The following DNAAF9 variants were observed in gnomAD, a reference collection of about 807,000 sequenced individuals.
DNAAF9 encodes the protein shulin.
In DNAAF9, 90 loss-of-function variants were observed where a neutral mutation model predicts 167.0. That is an observed-to-expected ratio of 0.54 (90% CI 0.45 to 0.64). The LOEUF is 0.64. DNAAF9 is among the 30% of genes least tolerant of loss of function. The pLI is 0.00. For missense variants in DNAAF9, 1,315 were observed against 1,442.2 expected, an observed-to-expected ratio of 0.91 and a Z score of 1.43; for synonymous variants, 491 against 508.8, an observed-to-expected ratio of 0.96 and a Z score of 0.47.
chr20:3,332,326 A>T lies in DNAAF9; in HGVS notation c.1017T>A (p.Ala339=), dbSNP rs539515473. The T allele has an allele frequency of 1.2e-5, 19 of 1,609,618 alleles. No individual in the cohort carries two copies. In the South Asian group the frequency reaches 2.0e-4, roughly 17 times the overall value. The change falls in exon 11 of 37, where the codon GCT becomes GCA. Residue 339 remains alanine, a synonymous_variant. Transcript: ENST00000252032. ...AQCVSPKGPL[A]CSRTYFFGAT... Reference sequence around the variant, plus strand: ...CTCCAAAAAAGTATGTTCTCGAACAAGCAAGAGGTCCCTTTGGTGAGACAC... The same window carrying T: ...CTCCAAAAAAGTATGTTCTCGAACATGCAAGAGGTCCCTTTGGTGAGACAC...
In DNAAF9 at chr20:3,252,602, C is replaced by T. The variant is rs770802173; in HGVS notation, c.3504G>A (p.Glu1168=). 6.2e-7 allele frequency: 1 copy of T among 1,610,610 alleles called. No homozygotes were observed. The highest frequency in any genetic ancestry group is 8.5e-7 in the Non-Finnish European group (1 of 1,176,796). Residue 1168 remains glutamate, a synonymous_variant, in exon 37 of 37, where the codon GAG becomes GAA. Transcript: ENST00000252032. ...GCTTCAGCTCAAAGAGGTCATGATA[C>T]TCCTGCTGTTCCAGCTCCTGGTTAT... is the stretch of plus-strand genomic sequence containing the variant. ...EKYNQELEQQ[E]YHDLFELKP is the part of the protein sequence containing the mutation.
chr20:3,256,250 TTGAAAG>T, intron 33 of DNAAF9, 39 bp from the exon 34 acceptor site: 1 of 1,406,588 alleles, frequency 7.1e-7, no homozygotes, highest in South Asian at 1.2e-5. Context: ...AGAGCCTGCC[TTGAAAG>T]GATACAGCTA....
chr20:3,335,898 G>A (rs2069931205), intron 10 of DNAAF9, among the ~76,000 whole-genome samples: 1 of 151,938 alleles, frequency 6.6e-6, no homozygotes, highest in Non-Finnish European at 1.5e-5. Flanking sequence ...CAAGGCAGGT[G>A]CATCACTTGA....
intron 20 of DNAAF9, among the ~76,000 whole-genome samples, chr20:3,310,687 G>GAA (rs111936667): frequency 1.6e-4 from 21 of 132,402 alleles, no homozygotes; most frequent in South Asian, 4.8e-4. Flanking sequence ...TTAGTCTCAA[G>GAA]AAAAAAAAAA....
At chr20:3,394,942 CTTTTTTCTTT>C (rs2083880373) in intron 1 of DNAAF9, among the ~76,000 whole-genome samples, 1 of 89,056 alleles carries the variant, frequency 1.1e-5, no homozygotes, top group Admixed American at 1.5e-4. Flanking sequence ...TGAACATTTT[CTTTTTTCTTT>C]TTTTTTTTTT....
At chr20:3,397,453 G>C (rs897275747) in intron 1 of DNAAF9, among the ~76,000 whole-genome samples, 2 of 151,984 alleles carry the variant, frequency 1.3e-5, no homozygotes, top group Non-Finnish European at 2.9e-5. Flanking sequence ...CGAGTAGCTG[G>C]GATTACACGC....
intron 33 of DNAAF9, 86 bp from the exon 34 acceptor site, chr20:3,256,297 G>A: frequency 1.0e-6 from 1 of 976,386 alleles, no homozygotes; most frequent in South Asian, 1.4e-5. Flanking sequence ...AGATGGTTGG[G>A]ATAGATTCAT....
intron 25 of DNAAF9, among the ~76,000 whole-genome samples, chr20:3,291,035 C>T (rs1315587805): frequency 3.3e-5 from 5 of 151,992 alleles, no homozygotes; most frequent in Admixed American, 6.6e-5. Flanking sequence ...GTGATCCACC[C>T]GCCTTGGCCT....
At chr20:3,367,327 C>A (rs1477082245) in intron 6 of DNAAF9, among the ~76,000 whole-genome samples, 1 of 152,210 alleles carries the variant, frequency 6.6e-6, no homozygotes, top group African/African-American at 2.4e-5. Context: ...TCCGTATCAG[C>A]AATACGGTTG....
chr20:3,262,344 G>A (rs554097999), intron 31 of DNAAF9, among the ~76,000 whole-genome samples: 12 of 150,350 alleles, frequency 8.0e-5, no homozygotes, highest in African/African-American at 2.5e-4. Flanking sequence ...TTCGCCTCCC[G>A]GGTTCACGCC....
chr20:3,356,057 CT>C (rs1289159499), intron 7 of DNAAF9, among the ~76,000 whole-genome samples: 2 of 152,152 alleles, frequency 1.3e-5, no homozygotes, highest in East Asian at 3.8e-4. Context: ...CAGAGTATCG[CT>C]CTGTTGCCCA....
chr20:3,331,831 G>A (rs188984972), intron 11 of DNAAF9, among the ~76,000 whole-genome samples: 13 of 152,216 alleles, frequency 8.5e-5, no homozygotes, highest in African/African-American at 1.4e-4. Context: ...GCACCAGCAC[G>A]CCTGGCTAAT....
intron 18 of DNAAF9, among the ~76,000 whole-genome samples, chr20:3,316,417 G>A (rs960470031): frequency 2.6e-5 from 4 of 152,130 alleles, no homozygotes; most frequent in South Asian, 2.1e-4. Context: ...TGGCCGGGCC[G>A]TTCAACTCCT....
intron 18 of DNAAF9, among the ~76,000 whole-genome samples, chr20:3,316,295 C>T (rs567305581): frequency 1.9e-4 from 29 of 152,146 alleles, no homozygotes; most frequent in Non-Finnish European, 2.6e-4. Flanking sequence ...CCTCCCACTG[C>T]GGAAGATGGG....
intron 1 of DNAAF9, among the ~76,000 whole-genome samples, chr20:3,405,618 G>A (rs2084044704): frequency 6.6e-6 from 1 of 152,146 alleles, no homozygotes; most frequent in Non-Finnish European, 1.5e-5. Flanking sequence ...TGGAGTTCGG[G>A]TATGATCAGT....
chr20:3,407,187 T>G (rs1209193002), intron 1 of DNAAF9, among the ~76,000 whole-genome samples: 1 of 151,984 alleles, frequency 6.6e-6, no homozygotes, highest in Non-Finnish European at 1.5e-5. Flanking sequence ...AACAGTGTCT[T>G]CACAGGGAAT....
At chr20:3,260,061 C>T (rs778676304) in intron 31 of DNAAF9, 33 bp from the exon 32 acceptor site, 31 of 1,322,738 alleles carry the variant, frequency 2.3e-5, no homozygotes, top group African/African-American at 5.8e-5. Context: ...AAGTACAGGC[C>T]GGGCGCGGTG....
chr20:3,316,911 T>G, intron 17 of DNAAF9, 118 bp from the exon 18 acceptor site: 1 of 590,642 alleles, frequency 1.7e-6, no homozygotes, highest in Non-Finnish European at 2.9e-6. Context: ...TTTTTTTTTT[T>G]TGAGACAGAA....
Position 3,316,726 on chromosome 20 carries a change from C to G in DNAAF9, c.1536G>C (p.Trp512Cys). ...CCACCTGATGAATGACACTAACCAGCCAGGAGCAGAATCTGGGTACAGCAG... is the reference window on the plus strand; with the variant it reads ...CCACCTGATGAATGACACTAACCAGGCAGGAGCAGAATCTGGGTACAGCAG... ...LTAAVPRFCS[W>C]LVEDNEVKLS... is the part of the protein sequence containing the mutation. Residue 512 changes from tryptophan to cysteine, a missense_variant, in exon 18 of 37, where the codon TGG (tryptophan) becomes TGC (cysteine). Coordinates refer to ENST00000252032, the MANE Select transcript of DNAAF9 (RefSeq NM_001009984.3). The G allele has an allele frequency of 6.2e-7, 1 of 1,611,946 alleles. No homozygotes were observed.
Sources: allele counts gnomAD v4.1 joint callset (sites outside exome capture counted in the v4.1 genomes callset), GRCh38; gene constraint gnomAD v4.1.1; transcripts MANE v1.5; gene names NCBI Gene and HGNC (gene_info 2026-07-23, HGNC 2026-07-21).